RBFOX1: variants seen among roughly 807,000 people sequenced by gnomAD.
RBFOX1 encodes the protein RNA binding fox-1 homolog 1.
Under a neutral mutation model 57.7 loss-of-function variants are expected in RBFOX1, and 8 were observed. That is an observed-to-expected ratio of 0.14 (90% CI 0.08 to 0.25). The LOEUF is 0.25. Among genes scored for constraint, RBFOX1 ranks in the 10% least tolerant of loss-of-function variants. RBFOX1 has a pLI of 1.00. For missense variants in RBFOX1, 611 were observed against 548.5 expected, an observed-to-expected ratio of 1.11 and a Z score of -1.14; for synonymous variants, 326 against 222.4, an observed-to-expected ratio of 1.47 and a Z score of -4.15.
intron 2 of RBFOX1, among the ~76,000 whole-genome samples, chr16:5,581,895 G>T (rs954016160): frequency 6.6e-6 from 1 of 152,144 alleles, no homozygotes; most frequent in Non-Finnish European, 1.5e-5. Context: ...GCAAGATTTA[G>T]GAACAGAAGC....
chr16:5,280,638 G>T (rs1201147973), intron 1 of RBFOX1, among the ~76,000 whole-genome samples: 5 of 152,110 alleles, frequency 3.3e-5, no homozygotes, highest in Non-Finnish European at 7.4e-5. Context: ...CAGGTTTTCT[G>T]TTTCTTCCTA....
At chr16:6,610,943 A>G (rs1269182651) in intron 2 of RBFOX1, among the ~76,000 whole-genome samples, 1 of 152,206 alleles carries the variant, frequency 6.6e-6, no homozygotes, top group African/African-American at 2.4e-5. Context: ...AATGTGGAAG[A>G]TCATAATATA....
At chr16:5,760,973 G>T (rs575829394) in intron 3 of RBFOX1, among the ~76,000 whole-genome samples, 3 of 152,278 alleles carry the variant, frequency 2.0e-5, no homozygotes, top group African/African-American at 7.2e-5. Context: ...TTTAAAATGG[G>T]TAATTGTATG....
chr16:6,534,327 A>G (rs1289577292), intron 2 of RBFOX1, among the ~76,000 whole-genome samples: 1 of 152,092 alleles, frequency 6.6e-6, no homozygotes, highest in African/African-American at 2.4e-5. Context: ...TTATCCACCA[A>G]AGAGTCCATG....
At chr16:7,227,297 C>CCCCCA (rs2093197416) in intron 4 of RBFOX1, among the ~76,000 whole-genome samples, 3 of 136,714 alleles carry the variant, frequency 2.2e-5, no homozygotes, top group Non-Finnish European at 3.3e-5. Context: ...CCCACCCCCA[C>CCCCCA]ACACACACAC....
At chr16:6,440,965 C>T (rs372291117) in intron 2 of RBFOX1, among the ~76,000 whole-genome samples, 7 of 152,152 alleles carry the variant, frequency 4.6e-5, no homozygotes, top group African/African-American at 1.4e-4. Flanking sequence ...GTCTAGGCTG[C>T]GTCTGTGGAG....
intron 4 of RBFOX1, among the ~76,000 whole-genome samples, chr16:7,232,753 A>G (rs998754450): frequency 4.0e-5 from 6 of 151,322 alleles, no homozygotes; most frequent in African/African-American, 7.3e-5. Flanking sequence ...AGGCAGGAGA[A>G]TTGCTTGAAC....
intron 2 of RBFOX1, among the ~76,000 whole-genome samples, chr16:6,619,369 C>G (rs1206302563): frequency 6.6e-6 from 1 of 152,148 alleles, no homozygotes; most frequent in Non-Finnish European, 1.5e-5. Context: ...AAATAGCCAT[C>G]TATGCCAAGC....
intron 3 of RBFOX1, among the ~76,000 whole-genome samples, chr16:6,815,142 C>A (rs1002026947): frequency 1.3e-5 from 2 of 152,104 alleles, no homozygotes; most frequent in Non-Finnish European, 2.9e-5. Flanking sequence ...GTTGCTACAG[C>A]ATTTGTAAAC....
intron 4 of RBFOX1, among the ~76,000 whole-genome samples, chr16:7,234,876 T>C (rs991069929): frequency 1.3e-5 from 2 of 152,146 alleles, no homozygotes; most frequent in African/African-American, 4.8e-5. Flanking sequence ...CAATTTTGTA[T>C]GTCCCATAAG....
At chr16:7,679,272 C>G (rs1367839862) in intron 14 of RBFOX1, among the ~76,000 whole-genome samples, 1 of 152,122 alleles carries the variant, frequency 6.6e-6, no homozygotes, top group Non-Finnish European at 1.5e-5. Flanking sequence ...GCTTTTGAAT[C>G]TAGATTAAAG....
At chr16:7,150,916 T>A (rs2075986115) in intron 4 of RBFOX1, among the ~76,000 whole-genome samples, 1 of 152,202 alleles carries the variant, frequency 6.6e-6, no homozygotes, top group African/African-American at 2.4e-5. Context: ...GCTGAGTAGG[T>A]GTTCCCATTA....
At chr16:6,748,636 G>T (rs923092289) in intron 3 of RBFOX1, among the ~76,000 whole-genome samples, 2 of 152,184 alleles carry the variant, frequency 1.3e-5, no homozygotes, top group Non-Finnish European at 2.9e-5. Flanking sequence ...TCCAGCCTGA[G>T]CAACAAGGCA....
At chr16:7,523,817 A>T (rs1465986054) in intron 5 of RBFOX1, among the ~76,000 whole-genome samples, 1 of 145,380 alleles carries the variant, frequency 6.9e-6, no homozygotes, top group Admixed American at 6.8e-5. Context: ...CTTTTCAGTT[A>T]TCCTTTCCTG....
intron 3 of RBFOX1, among the ~76,000 whole-genome samples, chr16:7,037,995 G>A (rs1048933689): frequency 2.0e-5 from 3 of 152,158 alleles, no homozygotes; most frequent in Non-Finnish European, 4.4e-5. Flanking sequence ...AAAAATTACA[G>A]TTAAAACATC....
chr16:7,184,502 G>A (rs2083336485), intron 4 of RBFOX1, among the ~76,000 whole-genome samples: 1 of 152,320 alleles, frequency 6.6e-6, no homozygotes, highest in East Asian at 1.9e-4. Context: ...ATAGTTATTT[G>A]CAGCCCTGTC....
intron 3 of RBFOX1, among the ~76,000 whole-genome samples, chr16:6,690,266 A>G: frequency 6.6e-6 from 1 of 152,118 alleles, no homozygotes; most frequent in Non-Finnish European, 1.5e-5. Flanking sequence ...TCTTATTGGA[A>G]TACTAGGATG....
At chr16:5,313,187 C>G (rs1353354479) in intron 1 of RBFOX1, among the ~76,000 whole-genome samples, 3 of 152,194 alleles carry the variant, frequency 2.0e-5, no homozygotes, top group Non-Finnish European at 2.9e-5. Flanking sequence ...TACTCAAAGT[C>G]ATGCACAGCC....
At chr16:6,940,268 C>G (rs1362345014) in intron 3 of RBFOX1, among the ~76,000 whole-genome samples, 1 of 152,146 alleles carries the variant, frequency 6.6e-6, no homozygotes, top group Non-Finnish European at 1.5e-5. Flanking sequence ...GGGCATGAGT[C>G]CTTGTTGCTG....
Sources: allele counts gnomAD v4.1 joint callset (sites outside exome capture counted in the v4.1 genomes callset), GRCh38; gene constraint gnomAD v4.1.1; transcripts MANE v1.5; gene names NCBI Gene and HGNC (gene_info 2026-07-23, HGNC 2026-07-21).